Variants in NKAIN2 observed in about 807,000 individuals in gnomAD.
The protein encoded by NKAIN2 is sodium/potassium-transporting ATPase subunit beta-1-interacting protein 2.
NKAIN2 carries 14 observed loss-of-function variants against 32.6 expected under a neutral mutation model. The ratio of observed to expected loss-of-function variants is 0.43; its 90% CI spans 0.28 to 0.67. The LOEUF (loss-of-function observed/expected upper bound fraction) is 0.67. Among genes scored for constraint, NKAIN2 ranks in the 30% least tolerant of loss-of-function variants. The probability of loss-of-function intolerance (pLI) is 0.17; values close to 1 mark genes in which losing one functional copy is unlikely to be tolerated. For synonymous variants in NKAIN2, 80 were observed against 87.2 expected (o/e 0.92, Z 0.46); for missense variants, 198 against 258.3 (o/e 0.77, Z 1.60).
At chr6:124,366,299 A>G (rs1799514597) in intron 3 of NKAIN2, among the ~76,000 whole-genome samples, 1 of 152,136 alleles carries the variant, frequency 6.6e-6, no homozygotes, top group African/African-American at 2.4e-5. Flanking sequence ...ATGATTGGAG[A>G]GAGTACATTA....
At chr6:124,686,928 G>C (rs1207558685) in intron 4 of NKAIN2, among the ~76,000 whole-genome samples, 4 of 152,026 alleles carry the variant, frequency 2.6e-5, no homozygotes, top group Non-Finnish European at 2.9e-5. Context: ...CAAATAGAAA[G>C]CAGGCAGAAA....
intron 1 of NKAIN2, among the ~76,000 whole-genome samples, chr6:124,007,334 C>T (rs1780119492): frequency 6.6e-6 from 1 of 152,150 alleles, no homozygotes; most frequent in South Asian, 2.1e-4. Context: ...TTTCTCTAGC[C>T]TCCAGTGGTC....
At chr6:124,416,318 G>T (rs1774485484) in intron 3 of NKAIN2, among the ~76,000 whole-genome samples, 1 of 152,030 alleles carries the variant, frequency 6.6e-6, no homozygotes, top group South Asian at 2.1e-4. Flanking sequence ...CATTTTTCTG[G>T]CATAAAATTT....
intron 3 of NKAIN2, among the ~76,000 whole-genome samples, chr6:124,571,690 A>G (rs993450893): frequency 1.3e-5 from 2 of 152,224 alleles, no homozygotes; most frequent in African/African-American, 4.8e-5. Flanking sequence ...CAGCACGAAT[A>G]CGGACTAATA....
At chr6:123,882,015 G>A (rs1458057382) in intron 1 of NKAIN2, among the ~76,000 whole-genome samples, 1 of 151,972 alleles carries the variant, frequency 6.6e-6, no homozygotes, top group Non-Finnish European at 1.5e-5. Flanking sequence ...CATTGTGTTT[G>A]AACTCACATA....
intron 3 of NKAIN2, among the ~76,000 whole-genome samples, chr6:124,652,675 G>C (rs1334848799): frequency 6.6e-6 from 1 of 152,096 alleles, no homozygotes; most frequent in African/African-American, 2.4e-5. Context: ...AGTCCTTCTT[G>C]TTGTGTTATA....
intron 3 of NKAIN2, among the ~76,000 whole-genome samples, chr6:124,409,743 G>C (rs1162100413): frequency 6.6e-6 from 1 of 152,052 alleles, no homozygotes; most frequent in African/African-American, 2.4e-5. Context: ...TTTTTCTATT[G>C]ATTGGAATAG....
chr6:124,290,967 T>C (rs1795787005), intron 2 of NKAIN2, among the ~76,000 whole-genome samples: 1 of 152,138 alleles, frequency 6.6e-6, no homozygotes, highest in South Asian at 2.1e-4. Context: ...CTATTATACA[T>C]CTATCTCTCC....
intron 4 of NKAIN2, among the ~76,000 whole-genome samples, chr6:124,781,660 C>T (rs1285535513): frequency 6.6e-6 from 1 of 152,040 alleles, no homozygotes; most frequent in Non-Finnish European, 1.5e-5. Flanking sequence ...CTGTTTCACC[C>T]TTGCATTGGC....
intron 2 of NKAIN2, among the ~76,000 whole-genome samples, chr6:124,316,407 A>G (rs951237456): frequency 3.9e-5 from 6 of 152,126 alleles, no homozygotes. Context: ...TGATTGATGG[A>G]TCCATGGTTA....
At chr6:124,814,395 G>A (rs546342278) in intron 5 of NKAIN2, among the ~76,000 whole-genome samples, 67 of 152,304 alleles carry the variant, frequency 4.4e-4, no homozygotes, top group African/African-American at 1.6e-3. Flanking sequence ...CCCCTCATGA[G>A]TGAAATGGTA....
intron 4 of NKAIN2, among the ~76,000 whole-genome samples, chr6:124,683,839 G>A (rs998408407): frequency 2.0e-5 from 3 of 152,134 alleles, no homozygotes; most frequent in Non-Finnish European, 4.4e-5. Context: ...CAGTAATGGC[G>A]AGCCCACATG....
intron 1 of NKAIN2, among the ~76,000 whole-genome samples, chr6:123,824,146 T>C (rs958635883): frequency 8.5e-5 from 13 of 152,090 alleles, no homozygotes; most frequent in Admixed American, 2.6e-4. Flanking sequence ...TCTTATTATA[T>C]ATAGAAATAC....
chr6:124,273,932 G>T (rs1034172388), intron 1 of NKAIN2, among the ~76,000 whole-genome samples: 1 of 152,136 alleles, frequency 6.6e-6, no homozygotes, highest in Non-Finnish European at 1.5e-5. Context: ...ATTTTGATAT[G>T]TTCTGGTTCT....
chr6:123,893,629 C>T (rs1364116783), intron 1 of NKAIN2, among the ~76,000 whole-genome samples: 1 of 152,176 alleles, frequency 6.6e-6, no homozygotes, highest in African/African-American at 2.4e-5. Context: ...TGTTCAGTGT[C>T]CTGTGGCTAT....
chr6:123,984,725 C>T lies in NKAIN2; in HGVS notation c.54+180471C>T, dbSNP rs547943530. Among the ~76,000 whole-genome samples, 6 of 152,212 alleles carry T rather than the reference C, an allele frequency of 3.9e-5. No homozygotes were observed. In the East Asian group the frequency reaches 9.7e-4, roughly 25 times the overall value. On this transcript the variant is annotated intron_variant, in intron 1 of 6. Coordinates refer to ENST00000368417, the MANE Select transcript of NKAIN2 (RefSeq NM_001040214.3). ...TCAATAGATGAGTTAAGATTTAAAA[C>T]ATTTGCCTAGGGAAGTATTTTGCAC...
intron 1 of NKAIN2, among the ~76,000 whole-genome samples, chr6:123,988,537 G>A (rs1293152661): frequency 1.3e-5 from 2 of 152,062 alleles, no homozygotes; most frequent in East Asian, 3.9e-4. Flanking sequence ...CCAGCTTGCA[G>A]CCTCTTAAAG....
intron 1 of NKAIN2, among the ~76,000 whole-genome samples, chr6:124,252,373 A>G (rs949172358): frequency 6.6e-6 from 1 of 152,098 alleles, no homozygotes; most frequent in Admixed American, 6.6e-5. Flanking sequence ...GTTTAGCGAT[A>G]CAGACATAGG....
intron 1 of NKAIN2, among the ~76,000 whole-genome samples, chr6:124,209,576 G>T (rs917500767): frequency 3.3e-5 from 5 of 151,776 alleles, no homozygotes; most frequent in Non-Finnish European, 5.9e-5. Flanking sequence ...TCCACCAATA[G>T]TATACAAGGG....
Sources: gnomAD v4.1 joint callset for allele counts (sites outside exome capture counted in the v4.1 genomes callset) on GRCh38, gnomAD v4.1.1 for gene constraint, MANE v1.5 for transcripts, NCBI Gene and HGNC (gene_info 2026-07-23, HGNC 2026-07-21) for gene names.